MED12L: variants seen among roughly 807,000 people sequenced by gnomAD.
The protein encoded by MED12L is mediator of RNA polymerase II transcription subunit 12-like protein.
MED12L carries 60 observed loss-of-function variants against 281.3 expected under a neutral mutation model. That is an observed-to-expected ratio of 0.21 (90% CI 0.17 to 0.26). The LOEUF (loss-of-function observed/expected upper bound fraction) is 0.26, where lower values mean the gene tolerates loss of function less well. Ranked by LOEUF, MED12L falls within the 10% of genes least tolerant of loss-of-function variation. MED12L has a pLI of 1.00. For synonymous variants in MED12L, 974 were observed against 987.2 expected, an observed-to-expected ratio of 0.99 and a Z score of 0.25; for missense variants, 2,146 against 2,680.9, an observed-to-expected ratio of 0.80 and a Z score of 4.41.
At chr3:151,297,640 C>T (rs927462018) in intron 16 of MED12L, among the ~76,000 whole-genome samples, 2 of 152,310 alleles carry the variant, frequency 1.3e-5, no homozygotes, top group African/African-American at 2.4e-5. Context: ...TGTTGGCTCC[C>T]TGGGGATCTG....
intron 16 of MED12L, among the ~76,000 whole-genome samples, chr3:151,220,635 G>A (rs931531939): frequency 2.0e-5 from 3 of 152,174 alleles, no homozygotes; most frequent in Admixed American, 6.5e-5. Flanking sequence ...TTTTAAAAAC[G>A]AGAGTTGCCC....
intron 2 of MED12L, among the ~76,000 whole-genome samples, chr3:151,114,585 G>A (rs1040173453): frequency 7.2e-5 from 11 of 152,042 alleles, no homozygotes; most frequent in East Asian, 1.9e-4. Flanking sequence ...TTCTTGTGCC[G>A]TGGCTACCAT....
In MED12L at chr3:151,318,356, T is replaced by C. The variant is rs961051933; in HGVS notation, c.2251-31703T>C. Among the ~76,000 whole-genome samples, 4 of 66,750 alleles carry C rather than the reference T, an allele frequency of 6.0e-5. No homozygotes were observed. In the Admixed American group the frequency reaches 7.3e-4, roughly 12 times the overall value. The allele number at this position is 66,750 out of a possible 152,430, so 43.8% of individuals were successfully genotyped here. On this transcript the variant is annotated intron_variant, in intron 16 of 44. Transcript: ENST00000687756. Reference sequence around the variant, plus strand: ...GCATTTGAAGCCAGTTTCTTTTCTTTTCTTCTTTTTTTTTTTTTGAAACCA... The same window carrying C: ...GCATTTGAAGCCAGTTTCTTTTCTTCTCTTCTTTTTTTTTTTTTGAAACCA...
intron 26 of MED12L, among the ~76,000 whole-genome samples, chr3:151,372,201 A>G (rs1756268300): frequency 1.3e-5 from 2 of 152,158 alleles, no homozygotes; most frequent in Admixed American, 1.3e-4. Context: ...TGAGTAACCC[A>G]TTTTTTCCTT....
intron 17 of MED12L, 141 bp from the exon 18 acceptor site, chr3:151,354,980 A>G (rs1364731934): frequency 2.9e-6 from 2 of 678,170 alleles, no homozygotes; most frequent in African/African-American, 3.7e-5. Context: ...TTCAAGTCTT[A>G]TTGTGTATTT....
At chr3:151,352,518 A>G (rs1190910771) in intron 17 of MED12L, among the ~76,000 whole-genome samples, 1 of 152,238 alleles carries the variant, frequency 6.6e-6, no homozygotes, top group Non-Finnish European at 1.5e-5. Context: ...AGCTAACTGT[A>G]CTTCATATTA....
chr3:151,300,983 C>G (rs1232761529), intron 16 of MED12L, among the ~76,000 whole-genome samples: 1 of 152,146 alleles, frequency 6.6e-6, no homozygotes, highest in Non-Finnish European at 1.5e-5. Flanking sequence ...TTTAATTTTT[C>G]AGTGATGCTC....
intron 11 of MED12L, among the ~76,000 whole-genome samples, chr3:151,178,620 C>T (rs1261580953): frequency 6.6e-6 from 1 of 152,162 alleles, no homozygotes; most frequent in Non-Finnish European, 1.5e-5. Flanking sequence ...GGAAGAGCTC[C>T]ATTACTTAGC....
At chr3:151,346,921 T>A (rs531460577) in intron 16 of MED12L, among the ~76,000 whole-genome samples, 2 of 152,302 alleles carry the variant, frequency 1.3e-5, no homozygotes, top group African/African-American at 4.8e-5. Flanking sequence ...AATGTATTAA[T>A]TTTTTATACA....
At chr3:151,417,874 G>C (rs1717800668) in intron 43 of MED12L, among the ~76,000 whole-genome samples, 1 of 152,080 alleles carries the variant, frequency 6.6e-6, no homozygotes. Context: ...ATCTACTTCA[G>C]AAAACCTTCT....
intron 3 of MED12L, among the ~76,000 whole-genome samples, chr3:151,118,171 A>T (rs1713164084): frequency 6.6e-6 from 1 of 151,608 alleles, no homozygotes; most frequent in Non-Finnish European, 1.5e-5. Context: ...TTATATATAT[A>T]TTTTGAGTTG....
chr3:151,092,532 A>C (rs1421777671), intron 2 of MED12L, among the ~76,000 whole-genome samples: 2 of 152,250 alleles, frequency 1.3e-5, no homozygotes, highest in Non-Finnish European at 2.9e-5. Flanking sequence ...ACATTTAACT[A>C]TCTCAATGCT....
chr3:151,267,461 T>C (rs914667410), intron 16 of MED12L, among the ~76,000 whole-genome samples: 8 of 152,328 alleles, frequency 5.3e-5, no homozygotes, highest in Non-Finnish European at 8.8e-5. Context: ...TCTAAGCCAC[T>C]ATTGATTATC....
At chr3:151,268,128 A>G (rs1740191939) in intron 16 of MED12L, among the ~76,000 whole-genome samples, 1 of 152,142 alleles carries the variant, frequency 6.6e-6, no homozygotes, top group African/African-American at 2.4e-5. Flanking sequence ...TTTTCAGCTT[A>G]CATGTTTTCA....
At chr3:151,337,770 C>T (rs765978428) in intron 16 of MED12L, 12 of 1,582,258 alleles carry the variant, frequency 7.6e-6, no homozygotes, top group East Asian at 2.2e-5. Context: ...TTTGCTTTAA[C>T]GAGTTCTGAA....
intron 2 of MED12L, among the ~76,000 whole-genome samples, chr3:151,113,576 A>C (rs1040560959): frequency 6.6e-6 from 1 of 152,236 alleles, no homozygotes; most frequent in African/African-American, 2.4e-5. Flanking sequence ...GCATTGCGTA[A>C]GCATGAGATG....
At position 151,387,973 on chromosome 3, in the gene MED12L, C is replaced by A; in HGVS notation, c.5252C>A (p.Pro1751His). 1 of 1,614,068 alleles carries A rather than the reference C, an allele frequency of 6.2e-7. No homozygotes were observed. The highest frequency in any genetic ancestry group is 1.7e-5 in the Admixed American group (1 of 60,020). The change falls in exon 37 of 45, where the codon CCC (proline) becomes CAC (histidine). Residue 1751 changes from proline to histidine, a missense_variant. By Grantham distance (77) the Pro-to-His change is moderately conservative (BLOSUM62 -2). Transcript: ENST00000687756. ...CACCTCCTGCTGTATCACACACACC[C>A]CATGCCCAAGCCCCGCAGTTACTAC... Reference protein sequence around the residue: ...QHHLLLYHTHPMPKPRSYYLQ... With the variant: ...QHHLLLYHTHHMPKPRSYYLQ...
chr3:151,156,133 C>T (rs1719245444), intron 5 of MED12L, 28 bp from the exon 6 acceptor site: 2 of 1,558,434 alleles, frequency 1.3e-6, no homozygotes, highest in Non-Finnish European at 8.7e-7. Context: ...TGTCTAGAAA[C>T]TCATATTTTT....
chr3:151,104,801 C>A (rs937551782), intron 2 of MED12L, among the ~76,000 whole-genome samples: 1 of 152,220 alleles, frequency 6.6e-6, no homozygotes, highest in Non-Finnish European at 1.5e-5. Flanking sequence ...TTCTTTGCCT[C>A]CTCCAGCTTC....
Sources: allele counts gnomAD v4.1 joint callset (sites outside exome capture counted in the v4.1 genomes callset), GRCh38; gene constraint gnomAD v4.1.1; transcripts MANE v1.5; gene names NCBI Gene and HGNC (gene_info 2026-07-23, HGNC 2026-07-21).